DNM3: variants seen among roughly 807,000 people sequenced by gnomAD.
DNM3 encodes dynamin-3.
In DNM3, 47 loss-of-function variants were observed where a neutral mutation model predicts 101.6. The ratio of observed to expected loss-of-function variants is 0.46; its 90% CI spans 0.37 to 0.59. The LOEUF is 0.59. Among genes scored for constraint, DNM3 ranks in the 20% least tolerant of loss-of-function variants. The pLI is 0.00. For synonymous variants in DNM3, 385 were observed against 387.9 expected, an observed-to-expected ratio of 0.99 and a Z score of 0.09; for missense variants, 849 against 1,085.7, an observed-to-expected ratio of 0.78 and a Z score of 3.06.
At chr1:171,907,251 GGAGGCT>G (rs758313521) in intron 1 of DNM3, among the ~76,000 whole-genome samples, 6 of 152,334 alleles carry the variant, frequency 3.9e-5, no homozygotes, top group Non-Finnish European at 7.3e-5. Flanking sequence ...CAGCACTCTG[GGAGGCT>G]GAGGCGGGCA....
intron 14 of DNM3, among the ~76,000 whole-genome samples, chr1:172,133,933 A>T (rs2057080094): frequency 6.6e-6 from 1 of 152,224 alleles, no homozygotes; most frequent in Non-Finnish European, 1.5e-5. Flanking sequence ...GGATTTTATT[A>T]CAAGGATAAC....
intron 17 of DNM3, among the ~76,000 whole-genome samples, chr1:172,361,814 G>A (rs1172449061): frequency 6.6e-6 from 1 of 151,960 alleles, no homozygotes; most frequent in Non-Finnish European, 1.5e-5. Context: ...TTCTACACAA[G>A]TCATCAGTGC....
chr1:171,867,876 T>C (rs1029333051), intron 1 of DNM3, among the ~76,000 whole-genome samples: 3 of 152,232 alleles, frequency 2.0e-5, no homozygotes, highest in Admixed American at 6.5e-5. Context: ...AGATGTAGCA[T>C]TATTTTATAT....
chr1:172,016,673 TGA>T (rs2047477324), intron 4 of DNM3, among the ~76,000 whole-genome samples: 1 of 152,212 alleles, frequency 6.6e-6, no homozygotes, highest in African/African-American at 2.4e-5. Flanking sequence ...AAAATTGGTA[TGA>T]TTTCTTTCTT....
chr1:172,232,981 A>G (rs1269686389), intron 14 of DNM3, among the ~76,000 whole-genome samples: 1 of 152,190 alleles, frequency 6.6e-6, no homozygotes, highest in Non-Finnish European at 1.5e-5. Flanking sequence ...TAAAAGAACT[A>G]GAGAAGCAAG....
chr1:172,202,964 C>A (rs535104514), intron 14 of DNM3, among the ~76,000 whole-genome samples: 1 of 152,176 alleles, frequency 6.6e-6, no homozygotes, highest in Non-Finnish European at 1.5e-5. Context: ...ATGTGACTCA[C>A]CCTTTTCCAA....
chr1:171,858,642 C>A (rs747653090), intron 1 of DNM3, among the ~76,000 whole-genome samples: 27 of 152,234 alleles, frequency 1.8e-4, no homozygotes, highest in Middle Eastern at 6.8e-3. Flanking sequence ...TGGAGGTAAG[C>A]CATGGTAATC....
intron 15 of DNM3, among the ~76,000 whole-genome samples, chr1:172,258,459 T>A (rs1573174812): frequency 6.6e-6 from 1 of 152,144 alleles, no homozygotes; most frequent in African/African-American, 2.4e-5. Flanking sequence ...TATTGGTTGG[T>A]TCAGGTTTTT....
At chr1:172,366,964 G>A (rs188137653) in intron 17 of DNM3, among the ~76,000 whole-genome samples, 42 of 151,840 alleles carry the variant, frequency 2.8e-4, no homozygotes, top group African/African-American at 5.5e-4. Context: ...AAACCTTTGC[G>A]TGTCTTGATA....
chr1:171,872,010 G>A (rs954042373), intron 1 of DNM3, among the ~76,000 whole-genome samples: 2 of 151,556 alleles, frequency 1.3e-5, no homozygotes, highest in Admixed American at 6.6e-5. Flanking sequence ...CCATGCAGAC[G>A]AGCTATGGCC....
chr1:171,984,749 AT>A (rs2045120115), intron 2 of DNM3, among the ~76,000 whole-genome samples: 1 of 152,190 alleles, frequency 6.6e-6, no homozygotes, highest in African/African-American at 2.4e-5. Flanking sequence ...TTATATCCCA[AT>A]TTCTAAAACA....
At chr1:171,860,983 G>A (rs955504717) in intron 1 of DNM3, among the ~76,000 whole-genome samples, 2 of 152,074 alleles carry the variant, frequency 1.3e-5, no homozygotes, top group Non-Finnish European at 1.5e-5. Flanking sequence ...AGAGCCTGGG[G>A]CACAGAGGAG....
At chr1:172,024,106 G>A (rs1475009955) in intron 4 of DNM3, among the ~76,000 whole-genome samples, 1 of 151,458 alleles carries the variant, frequency 6.6e-6, no homozygotes, top group Non-Finnish European at 1.5e-5. Context: ...TTTTCCTTCA[G>A]GTTTCATATT....
intron 2 of DNM3, among the ~76,000 whole-genome samples, chr1:171,972,547 C>T (rs538550024): frequency 6.6e-6 from 1 of 152,222 alleles, no homozygotes; most frequent in South Asian, 2.1e-4. Flanking sequence ...GTATGCGAGG[C>T]ACTTTAAATA....
intron 14 of DNM3, among the ~76,000 whole-genome samples, chr1:172,219,018 G>A (rs1467242307): frequency 6.6e-6 from 1 of 152,024 alleles, no homozygotes; most frequent in East Asian, 1.9e-4. Context: ...CTTGCCTTGA[G>A]TTTATGTAAT....
intron 17 of DNM3, among the ~76,000 whole-genome samples, 185 bp from the exon 18 acceptor site, chr1:172,378,833 A>G (rs1223892900): frequency 6.6e-6 from 1 of 152,056 alleles, no homozygotes; most frequent in Non-Finnish European, 1.5e-5. Context: ...CTAAAAATTG[A>G]GTAATAACGG....
rs569991632 is a variant in DNM3, at chr1:171,993,871, C to T, written c.589+4723C>T. 2.5e-3 allele frequency among the ~76,000 whole-genome samples: 387 copies of T among 151,986 alleles called. 2 individuals carry two copies. The highest frequency in any genetic ancestry group is 4.8e-3 in the Non-Finnish European group (326 of 67,962). ...GATTCTTTCTGCCTGTTCAGATCTG[C>T]TATTAAATCTCTATAGTGAATTTTT... is the stretch of plus-strand genomic sequence containing the variant. On this transcript the variant is annotated intron_variant, in intron 4 of 20. Transcript: ENST00000627582.
At chr1:172,400,589 C>T (rs1281157123) in intron 20 of DNM3, among the ~76,000 whole-genome samples, 10 of 152,108 alleles carry the variant, frequency 6.6e-5, no homozygotes, top group Non-Finnish European at 1.2e-4. Flanking sequence ...TGCTTCTCTG[C>T]GTTTCTTTTA....
intron 4 of DNM3, among the ~76,000 whole-genome samples, chr1:172,023,844 TG>T (rs77117000): frequency 0.38 from 15,425 of 40,908 alleles, 1,017 homozygotes; most frequent in East Asian, 0.49. Context: ...TTTAACAATG[TG>T]GTTTTTTTTT....
Sources: gnomAD v4.1 joint callset for allele counts (sites outside exome capture counted in the v4.1 genomes callset) on GRCh38, gnomAD v4.1.1 for gene constraint, MANE v1.5 for transcripts, NCBI Gene and HGNC (gene_info 2026-07-23, HGNC 2026-07-21) for gene names.